Variants in CSMD1 observed in about 807,000 individuals in gnomAD.
CSMD1 encodes the protein CUB and sushi domain-containing protein 1.
Under a neutral mutation model 417.5 loss-of-function variants are expected in CSMD1, and 213 were observed. That is an observed-to-expected ratio of 0.51 (90% confidence interval 0.46 to 0.57). CSMD1 has a LOEUF of 0.57. CSMD1 is among the 20% of genes least tolerant of loss of function. The pLI, the probability that CSMD1 is intolerant of heterozygous loss-of-function variation, is 0.00. For synonymous variants in CSMD1, 2,862 were observed against 1,736.8 expected, an observed-to-expected ratio of 1.65 and a Z score of -16.11; for missense variants, 6,923 against 4,529.7, an observed-to-expected ratio of 1.53 and a Z score of -15.17.
At chr8:3,075,418 AT>A (rs1813589163) in intron 49 of CSMD1, among the ~76,000 whole-genome samples, 1 of 151,520 alleles carries the variant, frequency 6.6e-6, no homozygotes, top group Admixed American at 6.6e-5. Flanking sequence ...AGTAGCTGGG[AT>A]TACAGGCATG....
At chr8:4,802,169 T>G (rs1798325461) in intron 1 of CSMD1, among the ~76,000 whole-genome samples, 1 of 152,210 alleles carries the variant, frequency 6.6e-6, no homozygotes, top group South Asian at 2.1e-4. Flanking sequence ...AGGAACTCAT[T>G]TAGATTAGTT....
At chr8:4,199,271 C>G (rs932900014) in intron 3 of CSMD1, among the ~76,000 whole-genome samples, 1 of 152,198 alleles carries the variant, frequency 6.6e-6, no homozygotes, top group Non-Finnish European at 1.5e-5. Flanking sequence ...CATACATCTT[C>G]TGCTATGGTC....
At chr8:4,023,688 G>A (rs543544814) in intron 4 of CSMD1, among the ~76,000 whole-genome samples, 8 of 144,910 alleles carry the variant, frequency 5.5e-5, no homozygotes, top group Non-Finnish European at 3.0e-5. Flanking sequence ...CAGGGTTCAC[G>A]CCATTCTCCT....
chr8:4,186,757 C>A (rs1325841361), intron 3 of CSMD1, among the ~76,000 whole-genome samples: 1 of 151,312 alleles, frequency 6.6e-6, no homozygotes, highest in Non-Finnish European at 1.5e-5. Context: ...GAAGCTGAGG[C>A]GGGTGGATCA....
At chr8:4,312,227 T>C (rs762618093) in intron 3 of CSMD1, among the ~76,000 whole-genome samples, 3 of 151,868 alleles carry the variant, frequency 2.0e-5, no homozygotes, top group African/African-American at 4.8e-5. Context: ...AATGCATAGA[T>C]AGCGTAACTG....
At position 3,434,355 on chromosome 8, in the gene CSMD1, A is replaced by G. The variant is rs138103702; in HGVS notation, c.1562-24750T>C. 1.6e-4 allele frequency among the ~76,000 whole-genome samples: 25 copies of G among 152,316 alleles called. No homozygotes were observed. In the East Asian group the frequency reaches 3.7e-3, roughly 22 times the overall value. ...ATATGTAATACCAAAATTAAAGATC[A>G]AGGTGATTTTATGACTTTTCCATTT... On this transcript the variant is annotated intron_variant, in intron 12 of 69. Coordinates refer to ENST00000635120, the MANE Select transcript of CSMD1 (RefSeq NM_033225.6).
chr8:3,979,300 AG>A (rs1425248424), intron 5 of CSMD1, among the ~76,000 whole-genome samples: 1 of 152,198 alleles, frequency 6.6e-6, no homozygotes, highest in African/African-American at 2.4e-5. Flanking sequence ...TTCTGGATGT[AG>A]TAACAGAGGT....
chr8:3,816,202 C>T (rs768583886), intron 5 of CSMD1, among the ~76,000 whole-genome samples: 3 of 152,138 alleles, frequency 2.0e-5, no homozygotes, highest in South Asian at 2.1e-4. Context: ...GGGAGAATCA[C>T]GACTTTTCAG....
intron 54 of CSMD1, among the ~76,000 whole-genome samples, chr8:2,996,852 A>G (rs766722035): frequency 1.3e-5 from 2 of 152,274 alleles, no homozygotes; most frequent in Non-Finnish European, 2.9e-5. Flanking sequence ...AAAGAAGAAG[A>G]AAAGTTGTAG....
intron 2 of CSMD1, among the ~76,000 whole-genome samples, chr8:4,541,844 A>G (rs1797402877): frequency 6.6e-6 from 1 of 152,196 alleles, no homozygotes; most frequent in South Asian, 2.1e-4. Flanking sequence ...ACAAAACTGT[A>G]CAGTCAGCAA....
At chr8:4,369,288 T>G (rs536664463) in intron 3 of CSMD1, among the ~76,000 whole-genome samples, 56 of 152,266 alleles carry the variant, frequency 3.7e-4, no homozygotes, top group Non-Finnish European at 7.2e-4. Flanking sequence ...TCATTTTTGT[T>G]TGTGCTGTTT....
chr8:4,698,452 C>T (rs1807278948), intron 1 of CSMD1, among the ~76,000 whole-genome samples: 1 of 152,140 alleles, frequency 6.6e-6, no homozygotes, highest in Non-Finnish European at 1.5e-5. Context: ...CGCAAACTTT[C>T]ATGCTTATGT....
At chr8:4,104,786 C>G (rs1304973964) in intron 3 of CSMD1, among the ~76,000 whole-genome samples, 1 of 152,182 alleles carries the variant, frequency 6.6e-6, no homozygotes, top group Non-Finnish European at 1.5e-5. Context: ...GAACTGCTGG[C>G]TATTTGCTGA....
intron 15 of CSMD1, among the ~76,000 whole-genome samples, chr8:3,402,622 G>A (rs543076398): frequency 1.3e-5 from 2 of 152,116 alleles, no homozygotes; most frequent in Non-Finnish European, 2.9e-5. Context: ...TCTATTGTGA[G>A]CTTTTCACTG....
chr8:4,438,712 AG>A (rs1385740932), intron 2 of CSMD1, among the ~76,000 whole-genome samples: 3 of 152,250 alleles, frequency 2.0e-5, no homozygotes, highest in African/African-American at 7.2e-5. Flanking sequence ...TACTCAGTTG[AG>A]ATTACCTGCA....
chr8:4,857,465 A>T (rs1801871419), intron 1 of CSMD1, among the ~76,000 whole-genome samples: 1 of 152,224 alleles, frequency 6.6e-6, no homozygotes, highest in African/African-American at 2.4e-5. Flanking sequence ...TCAAAAAATT[A>T]ATGAATCCAG....
Position 4,380,674 on chromosome 8 carries a change from C to G in CSMD1, c.415+39279G>C, listed in dbSNP as rs980442255. On this transcript the variant is annotated intron_variant, in intron 3 of 69. Transcript: ENST00000635120. ...CAGTTCATTAATTGTGGCAAATGGA[C>G]CATACTAACATAAGACATTAATAAC... 5.1e-4 allele frequency among the ~76,000 whole-genome samples: 78 copies of G among 152,092 alleles called. 1 individual carries two copies. The highest frequency in any genetic ancestry group is 1.8e-4 in the Non-Finnish European group (12 of 68,030).
chr8:4,240,643 C>CA (rs1802344115), intron 3 of CSMD1, among the ~76,000 whole-genome samples: 1 of 152,146 alleles, frequency 6.6e-6, no homozygotes, highest in Admixed American at 6.5e-5. Context: ...CAGTGCCTTT[C>CA]AACAAGTACT....
At chr8:4,283,417 T>A (rs1170170372) in intron 3 of CSMD1, among the ~76,000 whole-genome samples, 1 of 152,224 alleles carries the variant, frequency 6.6e-6, no homozygotes, top group African/African-American at 2.4e-5. Flanking sequence ...GAACACATTC[T>A]TTTCATCTGG....
Sources: allele counts gnomAD v4.1 joint callset (sites outside exome capture counted in the v4.1 genomes callset), GRCh38; gene constraint gnomAD v4.1.1; transcripts MANE v1.5; gene names NCBI Gene and HGNC (gene_info 2026-07-23, HGNC 2026-07-21).